KREMEN1: variants seen among roughly 807,000 people sequenced by gnomAD.
KREMEN1 encodes kremen protein 1.
In KREMEN1, 30 loss-of-function variants were observed where a neutral mutation model predicts 46.5. The observed-to-expected ratio is 0.65, with a 90% CI of 0.48 to 0.88. KREMEN1 has a LOEUF of 0.88. Among genes scored for constraint, KREMEN1 ranks in the 40% least tolerant of loss-of-function variants. The probability of loss-of-function intolerance (pLI) is 0.00; values close to 1 mark genes in which losing one functional copy is unlikely to be tolerated. For missense variants in KREMEN1, 533 were observed against 596.9 expected (o/e 0.89, Z 1.11); for synonymous variants, 214 against 230.6 (o/e 0.93, Z 0.65).
chr22:29,162,610 C>T (rs899656082), intron 9 of KREMEN1, among the ~76,000 whole-genome samples: 3 of 151,652 alleles, frequency 2.0e-5, no homozygotes, highest in African/African-American at 4.8e-5. Context: ...CTCAGCTACT[C>T]GGGAGGCAGG....
At chr22:29,119,610 G>C (rs950419118) in intron 3 of KREMEN1, among the ~76,000 whole-genome samples, 1 of 152,206 alleles carries the variant, frequency 6.6e-6, no homozygotes, top group African/African-American at 2.4e-5. Flanking sequence ...CCAGGGCAGA[G>C]ACCAAGTGTC....
intron 3 of KREMEN1, 68 bp downstream of exon 3, chr22:29,099,021 C>G: frequency 8.3e-7 from 1 of 1,211,816 alleles, no homozygotes; most frequent in Non-Finnish European, 1.2e-6. Flanking sequence ...AGAGGGAGGC[C>G]CCTGCCAGAG....
rs1296128775 is a variant in KREMEN1, at chr22:29,143,573, T to C, written c.*1461T>C. On this transcript the variant is annotated 3_prime_UTR_variant, in exon 9 of 9. Transcript: ENST00000400335. ...CTGGCTAAGATGGTGAAACCCCGTC[T>C]CTACTAAAAATACAAAAAATTAGCT... 9 of 721,842 alleles carry C rather than the reference T, an allele frequency of 1.2e-5. No individual in the cohort carries two copies. Among genetic ancestry groups the C allele is most frequent in the Non-Finnish European group, 1.4e-5 (8 of 589,576 alleles). The allele number at this position is 721,842 out of a possible 1,614,324, so 44.7% of individuals were successfully genotyped here. A position where few individuals can be genotyped will look rare whatever the true frequency, so the allele number is the denominator to read the frequency against.
At chr22:29,163,975 G>A (rs1421214534) in intron 9 of KREMEN1, among the ~76,000 whole-genome samples, 4 of 152,068 alleles carry the variant, frequency 2.6e-5, no homozygotes, top group African/African-American at 7.2e-5. Context: ...TGGAGTGCAG[G>A]GCCCATTCAC....
intron 1 of KREMEN1, among the ~76,000 whole-genome samples, chr22:29,091,161 C>T (rs752713792): frequency 1.4e-4 from 22 of 152,248 alleles, no homozygotes; most frequent in East Asian, 3.9e-4. Context: ...TTAGTAGAGA[C>T]GGCGTTTCTC....
intron 3 of KREMEN1, among the ~76,000 whole-genome samples, chr22:29,105,529 C>T (rs2038047282): frequency 6.8e-6 from 1 of 146,292 alleles, no homozygotes; most frequent in African/African-American, 2.5e-5. Context: ...GAATTCCAAG[C>T]AAGTTGGTGT....
At chr22:29,148,270 A>G (rs955885223), downstream of KREMEN1, among the ~76,000 whole-genome samples, 1 of 152,052 alleles carries the variant, frequency 6.6e-6, no homozygotes, top group Non-Finnish European at 1.5e-5. Flanking sequence ...AACCCAAGGA[A>G]ACATGGGCAA....
At chr22:29,126,507 G>C (rs1490642120) in intron 5 of KREMEN1, among the ~76,000 whole-genome samples, 2 of 151,988 alleles carry the variant, frequency 1.3e-5, no homozygotes, top group African/African-American at 4.8e-5. Context: ...GTGTGTGTCT[G>C]TGTGTCTATG....
intron 3 of KREMEN1, among the ~76,000 whole-genome samples, chr22:29,120,659 G>C (rs948887438): frequency 2.0e-5 from 3 of 152,156 alleles, no homozygotes; most frequent in Non-Finnish European, 4.4e-5. Context: ...AGGGTGAAAT[G>C]GTGCGGCTGC....
intron 1 of KREMEN1, among the ~76,000 whole-genome samples, chr22:29,074,031 C>G (rs947350894): frequency 6.6e-6 from 1 of 152,236 alleles, no homozygotes; most frequent in Non-Finnish European, 1.5e-5. Flanking sequence ...ACCGGTGGAA[C>G]CCGGCGCCTC....
At chr22:29,124,115 C>T (rs2038402148) in intron 4 of KREMEN1, among the ~76,000 whole-genome samples, 1 of 152,054 alleles carries the variant, frequency 6.6e-6, no homozygotes, top group Non-Finnish European at 1.5e-5. Context: ...ACATAAAAAT[C>T]AGTACACAAA....
At chr22:29,133,501 A>G (rs764316858) in intron 5 of KREMEN1, among the ~76,000 whole-genome samples, 3 of 151,722 alleles carry the variant, frequency 2.0e-5, no homozygotes, top group Non-Finnish European at 4.4e-5. Context: ...GGGTCTCACT[A>G]TGTTACCCAG....
At chr22:29,167,110 T>C (rs2039059062) in exon 10 of KREMEN1, 3 of 1,550,892 alleles carry the variant, frequency 1.9e-6, no homozygotes, top group Non-Finnish European at 8.7e-7. Flanking sequence ...TATCTGACTG[T>C]AGACACAACT....
At chr22:29,127,104 T>C (rs73882474) in intron 5 of KREMEN1, among the ~76,000 whole-genome samples, 8,127 of 152,260 alleles carry the variant, frequency 0.053, 766 homozygotes, top group African/African-American at 0.19. Context: ...ACAAAGGAAA[T>C]GTTTCTTGAG....
At chr22:29,165,228 A>G (rs2039043081) in intron 9 of KREMEN1, among the ~76,000 whole-genome samples, 1 of 152,066 alleles carries the variant, frequency 6.6e-6, no homozygotes, top group Admixed American at 6.5e-5. Flanking sequence ...AGGGCAACAG[A>G]GCAAGACCCT....
rs866150078 is a variant in KREMEN1 at position 29,094,352 on chromosome 22, C to G, written c.192C>G (p.Phe64Leu). 1 of 1,613,994 alleles carries G rather than the reference C, an allele frequency of 6.2e-7. No individual in the cohort carries two copies. The highest frequency in any genetic ancestry group is 1.7e-5 in the Admixed American group (1 of 60,006). ...GKPCLFWNETFQHPYNTLKYP... is the reference protein window; with the variant it reads ...GKPCLFWNETLQHPYNTLKYP... ...CATGTCTGTTTTGGAACGAGACTTTCCAGCATCCATACAACACTCTGAAAT... is the reference window on the plus strand; with the variant it reads ...CATGTCTGTTTTGGAACGAGACTTTGCAGCATCCATACAACACTCTGAAAT... The change falls in exon 2 of 9, where the codon TTC becomes TTG. Residue 64 changes from phenylalanine to leucine, a missense_variant. Phe to Leu is a conservative substitution (Grantham distance 22). Transcript: ENST00000400335.
intron 1 of KREMEN1, 26 bp from the exon 2 acceptor site, chr22:29,094,232 T>A (rs1289599001): frequency 1.3e-6 from 2 of 1,582,258 alleles, no homozygotes; most frequent in Non-Finnish European, 1.7e-6. Context: ...AGAAAATTAG[T>A]TTGCTCTGTC....
chr22:29,075,489 G>A (rs1244434281), intron 1 of KREMEN1, among the ~76,000 whole-genome samples: 3 of 152,150 alleles, frequency 2.0e-5, no homozygotes, highest in Non-Finnish European at 2.9e-5. Context: ...GCAAATAATC[G>A]TTGTGAAATA....
rs1293109669 is a variant in KREMEN1 at position 29,145,077 on chromosome 22, G to T, written c.*2965G>T. The T allele has an allele frequency of 3.0e-6, 3 of 985,440 alleles. No individual in the cohort carries two copies. Among genetic ancestry groups the T allele is most frequent in the Non-Finnish European group, 1.2e-6 (1 of 830,002 alleles). The allele number at this position is 985,440 out of a possible 1,614,324, so 61.0% of individuals were successfully genotyped here. A position where few individuals can be genotyped will look rare whatever the true frequency, so the allele number is the denominator to read the frequency against. On this transcript the variant is annotated 3_prime_UTR_variant, in exon 9 of 9. Transcript: ENST00000400335. ...TCCGTGGGCACTGGCTCCTGCCGCA[G>T]CCTGGCTATGGACTCAGTTAGAACC...
Sources: gnomAD v4.1 joint callset for allele counts (sites outside exome capture counted in the v4.1 genomes callset) on GRCh38, gnomAD v4.1.1 for gene constraint, MANE v1.5 for transcripts, NCBI Gene and HGNC (gene_info 2026-07-23, HGNC 2026-07-21) for gene names.